Variants in RIMS2 observed in about 807,000 individuals in gnomAD.
RIMS2 encodes the protein regulating synaptic membrane exocytosis 2.
A neutral mutation model predicts 174.4 loss-of-function variants in RIMS2; 59 were observed. The ratio of observed to expected loss-of-function variants is 0.34; its 90% CI spans 0.27 to 0.42. RIMS2 has a LOEUF of 0.42. Among genes scored for constraint, RIMS2 ranks in the 10% least tolerant of loss-of-function variants. The pLI is 1.00. For synonymous variants in RIMS2, 606 were observed against 572.5 expected, an observed-to-expected ratio of 1.06 and a Z score of -0.84; for missense variants, 1,620 against 1,666.3, an observed-to-expected ratio of 0.97 and a Z score of 0.48.
At chr8:103,716,911 C>G (rs17234965) in intron 2 of RIMS2, among the ~76,000 whole-genome samples, 9,917 of 151,964 alleles carry the variant, frequency 0.065, 399 homozygotes, top group South Asian at 0.088. Context: ...ACTAGACTAC[C>G]GGCTAGGTTT....
chr8:104,160,836 A>G (rs972881388), intron 19 of RIMS2, among the ~76,000 whole-genome samples: 5 of 152,216 alleles, frequency 3.3e-5, no homozygotes, highest in African/African-American at 9.6e-5. Flanking sequence ...CTTAAAATCT[A>G]CTAGAGGAAA....
chr8:103,757,008 TGTGA>T (rs1164033950), intron 2 of RIMS2, among the ~76,000 whole-genome samples: 2,950 of 123,052 alleles, frequency 0.024, 21 homozygotes, highest in Non-Finnish European at 0.033. Context: ...TGTGTGTGTG[TGTGA>T]GAGAGAGAGA....
chr8:103,743,937 A>C (rs1285989439), intron 2 of RIMS2, among the ~76,000 whole-genome samples: 1 of 152,172 alleles, frequency 6.6e-6, no homozygotes, highest in Non-Finnish European at 1.5e-5. Flanking sequence ...CCTTTAGTCT[A>C]TTAATACGTT....
At chr8:103,784,916 C>T (rs1403186384) in intron 3 of RIMS2, among the ~76,000 whole-genome samples, 2 of 137,214 alleles carry the variant, frequency 1.5e-5, no homozygotes, top group South Asian at 2.5e-4. Flanking sequence ...GAATGTTCTT[C>T]CATTTGTTTG....
intron 2 of RIMS2, among the ~76,000 whole-genome samples, chr8:103,760,416 A>G (rs2098097191): frequency 6.6e-6 from 1 of 152,230 alleles, no homozygotes; most frequent in South Asian, 2.1e-4. Flanking sequence ...TTAATTGCCT[A>G]AGGAATCCTA....
In RIMS2 at chr8:103,787,118, T is replaced by G. The variant is rs950720974; in HGVS notation, c.698+20581T>G. ...CCCCTGCCTTTTTTTGTTTTCCATT[T>G]GCTTGGTAGATCTTCCTCCATCCTT... On this transcript the variant is annotated intron_variant, in intron 3 of 23. Coordinates refer to ENST00000504942, the Ensembl canonical transcript of RIMS2. Among the ~76,000 whole-genome samples, 9 of 146,670 alleles carry G rather than the reference T, an allele frequency of 6.1e-5. No individual in the cohort carries two copies. In the South Asian group the frequency reaches 1.1e-3, roughly 19 times the overall value.
At chr8:104,040,067 C>A (rs1048392403) in intron 19 of RIMS2, among the ~76,000 whole-genome samples, 1 of 151,508 alleles carries the variant, frequency 6.6e-6, no homozygotes, top group Non-Finnish European at 1.5e-5. Context: ...GTCATCTTAG[C>A]ACTAATGGAC....
intron 3 of RIMS2, among the ~76,000 whole-genome samples, chr8:103,780,583 G>A (rs2098377850): frequency 6.6e-6 from 1 of 151,652 alleles, no homozygotes; most frequent in Non-Finnish European, 1.5e-5. Context: ...CAAGATTTTT[G>A]TTTTTTAAAA....
intron 1 of RIMS2, chr8:103,568,812 A>G: frequency 1.8e-6 from 2 of 1,135,760 alleles, no homozygotes; most frequent in Non-Finnish European, 2.6e-6. Flanking sequence ...CAGTGCTATA[A>G]GAAGCTGAGC....
At chr8:103,972,868 A>G (rs1374004635) in intron 15 of RIMS2, among the ~76,000 whole-genome samples, 1 of 152,180 alleles carries the variant, frequency 6.6e-6, no homozygotes, top group South Asian at 2.1e-4. Flanking sequence ...AATGTATAGT[A>G]TATATAGCCA....
intron 19 of RIMS2, among the ~76,000 whole-genome samples, chr8:104,221,464 T>C (rs1184766014): frequency 1.3e-5 from 2 of 152,204 alleles, no homozygotes; most frequent in African/African-American, 4.8e-5. Context: ...ATGATTCTTA[T>C]AATGAAAATC....
chr8:103,524,494 A>G (rs907909740), intron 1 of RIMS2, among the ~76,000 whole-genome samples: 1 of 152,220 alleles, frequency 6.6e-6, no homozygotes. Context: ...CTGGAGAAGC[A>G]GAAAATGGAC....
chr8:103,878,832 A>G, intron 3 of RIMS2, among the ~76,000 whole-genome samples: 1 of 151,610 alleles, frequency 6.6e-6, no homozygotes, highest in East Asian at 1.9e-4. Context: ...TCTTTTAAAT[A>G]CGAGTTGAAA....
intron 1 of RIMS2, among the ~76,000 whole-genome samples, chr8:103,669,050 G>T (rs1400891848): frequency 1.3e-5 from 2 of 152,158 alleles, no homozygotes; most frequent in Non-Finnish European, 2.9e-5. Flanking sequence ...ATATACCCAA[G>T]ACTGGGTAAT....
chr8:104,229,335 T>A (rs371472096), intron 19 of RIMS2, among the ~76,000 whole-genome samples: 1 of 151,090 alleles, frequency 6.6e-6, no homozygotes. Context: ...TGTTTTTGAT[T>A]GGGGAGGAGG....
At chr8:103,855,243 CT>C (rs1230691088) in intron 3 of RIMS2, among the ~76,000 whole-genome samples, 1 of 151,780 alleles carries the variant, frequency 6.6e-6, no homozygotes, top group African/African-American at 2.4e-5. Context: ...TTTGGATCTT[CT>C]TTTTTTCTTT....
intron 2 of RIMS2, among the ~76,000 whole-genome samples, chr8:103,724,734 C>G (rs1334238030): frequency 6.6e-6 from 1 of 151,990 alleles, no homozygotes. Flanking sequence ...ATTGAGTAAC[C>G]TATTTTTTAT....
At chr8:103,623,981 C>A (rs191723291) in intron 1 of RIMS2, among the ~76,000 whole-genome samples, 120 of 152,116 alleles carry the variant, frequency 7.9e-4, no homozygotes, top group African/African-American at 2.7e-3. Context: ...TCAATTAAAT[C>A]CAGAATAGAC....
At chr8:104,175,576 T>A (rs1157707862) in intron 19 of RIMS2, among the ~76,000 whole-genome samples, 1 of 152,186 alleles carries the variant, frequency 6.6e-6, no homozygotes, top group Non-Finnish European at 1.5e-5. Context: ...CTGTCCCCAC[T>A]TCCCTTTTCA....
Sources: gnomAD v4.1 joint callset for allele counts (sites outside exome capture counted in the v4.1 genomes callset) on GRCh38, gnomAD v4.1.1 for gene constraint, MANE v1.5 for transcripts, NCBI Gene and HGNC (gene_info 2026-07-23, HGNC 2026-07-21) for gene names.